Variants in AMN observed in about 807,000 individuals in gnomAD.
AMN encodes protein amnionless.
In AMN, 40 loss-of-function variants were observed where a neutral mutation model predicts 49.1. The ratio of observed to expected loss-of-function variants is 0.81; its 90% CI spans 0.63 to 1.06. The LOEUF is 1.06. AMN is among the 50% of genes least tolerant of loss of function. AMN has a pLI of 0.00. For missense variants in AMN, 701 were observed against 662.8 expected (o/e 1.06, Z -0.63); for synonymous variants, 380 against 313.3 (o/e 1.21, Z -2.25).
Position 102,929,974 on chromosome 14 carries a change from C to A in AMN, c.894C>A (p.Ser298=). The change falls in exon 9 of 12, where the codon TCC becomes TCA. Residue 298 remains serine, a synonymous_variant. Coordinates refer to ENST00000299155, the MANE Select transcript of AMN (RefSeq NM_030943.4). ...QVAVSKVPRS[S]RLREADTEIQ... ...CCGTGTCCAAGGTGCCACGCTCGTC[C>A]CGGCTCCGTGAGGCCGATACGGAGA... 6.4e-7 allele frequency: 1 copy of A among 1,564,924 alleles called. No homozygotes were observed. Among genetic ancestry groups the A allele is most frequent in the South Asian group, 1.2e-5 (1 of 84,872 alleles).
chr14:102,928,296 G>T lies in AMN; in HGVS notation c.208-130G>T, dbSNP rs1891232610. On this transcript the variant is annotated intron_variant, in intron 3 of 11. Transcript: ENST00000299155. ...AGCCTCAGCCAGGCCGAGGACCCCG[G>T]GCCTGAGCTCGCCCGGGCTCCTTCC... The T allele has an allele frequency of 5.1e-6, 4 of 788,172 alleles. No homozygotes were observed. The Admixed American group carries it at 7.2e-5, about 14-fold the overall frequency. The allele number at this position is 788,172 out of a possible 1,614,324, so 48.8% of individuals were successfully genotyped here.
intron 4 of AMN, 88 bp downstream of exon 4, chr14:102,928,601 C>T (rs1337674833): frequency 1.3e-6 from 2 of 1,510,670 alleles, no homozygotes; most frequent in African/African-American, 1.4e-5. Flanking sequence ...GGGCGAGGAC[C>T]GGAGGGAGGG....
chr14:102,926,262 C>A (rs1333879503), intron 3 of AMN, among the ~76,000 whole-genome samples: 1 of 152,234 alleles, frequency 6.6e-6, no homozygotes. Flanking sequence ...CTATGGGGCA[C>A]GTGCACCAGC....
chr14:102,922,765 G>C, intron 1 of AMN, 34 bp downstream of exon 1: 2 of 1,563,828 alleles, frequency 1.3e-6, no homozygotes, highest in Non-Finnish European at 1.7e-6. Context: ...GGGCCCGGAC[G>C]GTAGCGGTCT....
Position 102,923,739 on chromosome 14 carries a change from G to A in AMN, c.72G>A (p.Trp24Ter). Residue 24 changes from tryptophan (W) to a stop codon, truncating the protein, a stop_gained, in exon 2 of 12, where the codon TGG (tryptophan) becomes TGA (stop). Coordinates refer to ENST00000299155, the MANE Select transcript of AMN (RefSeq NM_030943.4). LOFTEE classifies it high-confidence loss of function. ...TGACCCAGGCGGTCTCCAAACTCTG[G>A]GTCCCCAACACGGACTTCGACGTCG... ...CALTQAVSKL[W>*]VPNTDFDVAA... 1 of 1,612,804 alleles carries A rather than the reference G, an allele frequency of 6.2e-7. No individual in the cohort carries two copies. The highest frequency in any genetic ancestry group is 1.1e-5 in the South Asian group (1 of 91,080).
intron 3 of AMN, 31 bp from the exon 4 acceptor site, chr14:102,928,395 G>C (rs569370837): frequency 3.2e-6 from 5 of 1,558,060 alleles, no homozygotes; most frequent in African/African-American, 1.4e-5. Context: ...GGACCCCCGC[G>C]TGGCGCCGCC....
intron 1 of AMN, 43 bp from the exon 2 acceptor site, chr14:102,923,668 C>A (rs980878780): frequency 2.0e-6 from 3 of 1,538,182 alleles, no homozygotes; most frequent in Middle Eastern, 1.8e-4. Context: ...GAGAAGGGAG[C>A]ATCCCGGAGA....
chr14:102,930,470 G>A lies in AMN; in HGVS notation c.1234G>A (p.Asp412Asn), dbSNP rs1025245635. The A allele has an allele frequency of 2.2e-5, 34 of 1,531,782 alleles. No individual in the cohort carries two copies. The highest frequency in any genetic ancestry group is 9.7e-5 in the African/African-American group (7 of 72,280). The allele number at this position is 1,531,782 out of a possible 1,614,324, so 94.9% of individuals were successfully genotyped here. A position where few individuals can be genotyped will look rare whatever the true frequency, so the allele number is the denominator to read the frequency against. Residue 412 changes from aspartate (D) to asparagine (N), a missense_variant, in exon 11 of 12, where the codon GAC becomes AAC. Transcript: ENST00000299155. ...APLGFRNPVF[D>N]VTASEELPLP... is the part of the protein sequence containing the mutation. ...CCTCGGCTTCCGCAACCCGGTGTTC[G>A]ACGTGACGGCCTCCGAGGAGCTGGT...
rs554401493 is a variant in AMN, at chr14:102,923,748, C to G, written c.81C>G (p.Asn27Lys). Residue 27 changes from asparagine to lysine, a missense_variant, in exon 2 of 12, where the codon AAC (asparagine) becomes AAG (lysine). Physicochemically the swap from Asn to Lys is moderately conservative, Grantham distance 94. Transcript: ENST00000299155. Reference sequence around the variant, plus strand: ...CGGTCTCCAAACTCTGGGTCCCCAACACGGACTTCGACGTCGCAGCCAACT... The same window carrying G: ...CGGTCTCCAAACTCTGGGTCCCCAAGACGGACTTCGACGTCGCAGCCAACT... ...TQAVSKLWVP[N>K]TDFDVAANWS... 2.5e-5 allele frequency: 40 copies of G among 1,612,706 alleles called. No individual in the cohort carries two copies. The highest frequency in any genetic ancestry group is 3.0e-5 in the Non-Finnish European group (35 of 1,179,898).
At chr14:102,923,443 G>C in intron 1 of AMN, 1 of 486,412 alleles carries the variant, frequency 2.1e-6, no homozygotes, top group Non-Finnish European at 3.8e-6. Context: ...TGGGGGCAGT[G>C]CCGGGAGGCT....
chr14:102,923,772 C>A lies in AMN; in HGVS notation c.105C>A (p.Asn35Lys), dbSNP rs1485139940. Residue 35 changes from asparagine (N) to lysine (K), a missense_variant, in exon 2 of 12, where the codon AAC becomes AAA. Physicochemically the swap from Asn to Lys is moderately conservative, Grantham distance 94. Coordinates refer to ENST00000299155, the MANE Select transcript of AMN (RefSeq NM_030943.4). Reference sequence around the variant, plus strand: ...ACACGGACTTCGACGTCGCAGCCAACTGGAGCCAGAACCGGACCCCGTGCG... The same window carrying A: ...ACACGGACTTCGACGTCGCAGCCAAATGGAGCCAGAACCGGACCCCGTGCG... ...VPNTDFDVAA[N>K]WSQNRTPCAG... 2 of 1,612,696 alleles carry A rather than the reference C, an allele frequency of 1.2e-6. No homozygotes were observed. Among genetic ancestry groups the A allele is most frequent in the African/African-American group, 2.7e-5 (2 of 74,938 alleles).
Position 102,930,102 on chromosome 14 carries a change from C to T in AMN, c.1006+16C>T. The T allele has an allele frequency of 2.0e-6, 3 of 1,517,248 alleles. No homozygotes were observed. Among genetic ancestry groups the T allele is most frequent in the Non-Finnish European group, 2.6e-6 (3 of 1,136,390 alleles). The allele number at this position is 1,517,248 out of a possible 1,614,324, so 94.0% of individuals were successfully genotyped here. A position where few individuals can be genotyped will look rare whatever the true frequency, so the allele number is the denominator to read the frequency against. On this transcript the variant is annotated intron_variant, in intron 9 of 11. Coordinates refer to ENST00000299155, the MANE Select transcript of AMN (RefSeq NM_030943.4). The stretch of plus-strand genomic sequence containing the variant: ...GCCGAGAACGGTAACCGCGCCCGCC[C>T]CATCCCGCCCCGCCGCGCCTCGCCC...
rs531480104 is a variant in AMN, at chr14:102,927,183, C to G, written c.208-1243C>G. Reference sequence around the variant, plus strand: ...TGTTGGGATTACAGGCATGAGCCACCGCTCCTGGCCTTAAGTTTGGTTTCT... The same window carrying G: ...TGTTGGGATTACAGGCATGAGCCACGGCTCCTGGCCTTAAGTTTGGTTTCT... On this transcript the variant is annotated intron_variant, in intron 3 of 11. Transcript: ENST00000299155. 1.3e-4 allele frequency among the ~76,000 whole-genome samples: 20 copies of G among 152,284 alleles called. No homozygotes were observed. The South Asian group carries it at 3.9e-3, about 30-fold the overall frequency.
chr14:102,930,484 C>G lies in AMN; in HGVS notation c.1248C>G (p.Ser416=), dbSNP rs987148709. The G allele has an allele frequency of 6.5e-7, 1 of 1,534,480 alleles. No homozygotes were observed. The highest frequency in any genetic ancestry group is 8.8e-7 in the Non-Finnish European group (1 of 1,142,716). ...ACCCGGTGTTCGACGTGACGGCCTCCGAGGAGCTGGTGAGGGGGCTGGAGG... is the reference window on the plus strand; with the variant it reads ...ACCCGGTGTTCGACGTGACGGCCTCGGAGGAGCTGGTGAGGGGGCTGGAGG... ...FRNPVFDVTA[S]EELPLPRRLS... is the part of the protein sequence containing the mutation. The change falls in exon 11 of 12, where the codon TCC becomes TCG. Residue 416 remains serine, a synonymous_variant. Transcript: ENST00000299155.
intron 3 of AMN, among the ~76,000 whole-genome samples, chr14:102,925,625 C>A (rs541454231): frequency 6.6e-6 from 1 of 152,290 alleles, no homozygotes; most frequent in Non-Finnish European, 1.5e-5. Context: ...CATGGATTTC[C>A]CCCTACTCCC....
Position 102,928,497 on chromosome 14 carries a change from C to T in AMN, c.279C>T (p.His93=). The T allele has an allele frequency of 6.2e-7, 1 of 1,608,836 alleles. No homozygotes were observed. ...TCGGCGTCTCAGACGTGGGCTCGCACCTGGACTGTGGCGCGGGTGAGGCGG... is the reference window on the plus strand; with the variant it reads ...TCGGCGTCTCAGACGTGGGCTCGCATCTGGACTGTGGCGCGGGTGAGGCGG... ...AGFGVSDVGS[H]LDCGAGEPAV... Residue 93 remains histidine (H), a synonymous_variant, in exon 4 of 12, where the codon CAC becomes CAT. Coordinates refer to ENST00000299155, the MANE Select transcript of AMN (RefSeq NM_030943.4).
intron 3 of AMN, 81 bp downstream of exon 3, chr14:102,924,060 G>A (rs1891133012): frequency 1.1e-5 from 18 of 1,595,270 alleles, no homozygotes; most frequent in Non-Finnish European, 1.5e-5. Flanking sequence ...GTGCCTTGAG[G>A]GCGGACCCCA....
rs748549145 is a variant in AMN at position 102,928,467 on chromosome 14, C to G, written c.249C>G (p.Ala83=). 18 of 1,609,644 alleles carry G rather than the reference C, an allele frequency of 1.1e-5. No individual in the cohort carries two copies. In the Admixed American group the frequency reaches 1.8e-4, roughly 16 times the overall value. ...GGGAACTCGTCCTGGCTTCAGGAGCCGGATTCGGCGTCTCAGACGTGGGCT... is the reference window on the plus strand; with the variant it reads ...GGGAACTCGTCCTGGCTTCAGGAGCGGGATTCGGCGTCTCAGACGTGGGCT... The part of the protein sequence containing the change: ...LDGELVLASG[A]GFGVSDVGSH... The change falls in exon 4 of 12, where the codon GCC becomes GCG. Residue 83 remains alanine (A), a synonymous_variant. Transcript: ENST00000299155.
rs1228865119 is a variant in AMN, at chr14:102,928,886, G to A, written c.424G>A (p.Val142Ile). ...AERVPCRHDD[V>I]FFPPSASFRV... is the part of the protein sequence containing the mutation. ...GCGCGTGCCCTGCCGCCACGACGAC[G>A]TCTTCTTTCCGCCTAGTGCCTCCTT... The change falls in exon 5 of 12, where the codon GTC becomes ATC. Residue 142 changes from valine to isoleucine, a missense_variant. Transcript: ENST00000299155. The A allele has an allele frequency of 2.5e-6, 4 of 1,603,892 alleles. No homozygotes were observed. Among genetic ancestry groups the A allele is most frequent in the Non-Finnish European group, 3.4e-6 (4 of 1,179,762 alleles).
Sources: allele counts gnomAD v4.1 joint callset (sites outside exome capture counted in the v4.1 genomes callset), GRCh38; gene constraint gnomAD v4.1.1; transcripts MANE v1.5; gene names NCBI Gene and HGNC (gene_info 2026-07-23, HGNC 2026-07-21).